Variants in ADPRS observed in about 807,000 individuals in gnomAD.
ADPRS encodes ADP-ribosylserine hydrolase.
In ADPRS, 25 loss-of-function variants were observed where a neutral mutation model predicts 32.1. That is an observed-to-expected ratio of 0.78 (90% CI 0.57 to 1.09). The LOEUF (loss-of-function observed/expected upper bound fraction) is 1.09, where lower values mean the gene tolerates loss of function less well. ADPRS is among the 50% of genes least tolerant of loss of function. The pLI, the probability that ADPRS is intolerant of heterozygous loss-of-function variation, is 0.00. For synonymous variants in ADPRS, 225 were observed against 201.0 expected (o/e 1.12, Z -1.01); for missense variants, 482 against 480.6 (o/e 1.00, Z -0.03).
intron 1 of ADPRS, among the ~76,000 whole-genome samples, chr1:36,090,462 G>A (rs1643463403): frequency 6.6e-6 from 1 of 152,064 alleles, no homozygotes. Flanking sequence ...ATAAAGAATT[G>A]CTGAAAATCC....
chr1:36,088,971 T>G lies in ADPRS; in HGVS notation c.67T>G (p.Phe23Val), dbSNP rs1357822202. The change falls in exon 1 of 6, where the codon TTC becomes GTC. Residue 23 changes from phenylalanine to valine, a missense_variant. Coordinates refer to ENST00000373178, the MANE Select transcript of ADPRS (RefSeq NM_017825.3). ...TGGCGCGGCCCGCTCCCTCTCGCGC[T>G]TCCGAGGCTGCCTGGCTGGCGCGCT... is the stretch of plus-strand genomic sequence containing the variant. ...GAGAARSLSR[F>V]RGCLAGALLG... is the part of the protein sequence containing the mutation. 3.3e-6 allele frequency: 5 copies of G among 1,494,050 alleles called. No homozygotes were observed. Among genetic ancestry groups the G allele is most frequent in the Non-Finnish European group, 4.4e-6 (5 of 1,127,690 alleles). 92.5% of individuals were successfully genotyped at this position (1,494,050 alleles called of 1,614,324 possible).
At position 36,093,103 on chromosome 1, in the gene ADPRS, G is replaced by A. The variant is rs763802671; in HGVS notation, c.809G>A (p.Gly270Asp). Residue 270 changes from glycine to aspartate, a missense_variant, in exon 6 of 6, where the codon GGC becomes GAC. Physicochemically the swap from Gly to Asp is moderately conservative, Grantham distance 94. Coordinates refer to ENST00000373178, the MANE Select transcript of ADPRS (RefSeq NM_017825.3). ...TAACCTGGCTTCCCCACAGGGAATG[G>A]CATTGCTGCCTTTGAGTCGGTACCC... ...REEVVSELGN[G>D]IAAFESVPTA... The A allele has an allele frequency of 2.9e-5, 47 of 1,613,306 alleles. No individual in the cohort carries two copies. Among genetic ancestry groups the A allele is most frequent in the Non-Finnish European group, 3.8e-5 (45 of 1,179,504 alleles).
At position 36,089,083 on chromosome 1, in the gene ADPRS, C is replaced by A; in HGVS notation, c.179C>A (p.Pro60Gln). The change falls in exon 1 of 6, where the codon CCG becomes CAG. Residue 60 changes from proline to glutamine, a missense_variant. Pro to Gln is a moderately conservative substitution (Grantham distance 76). Transcript: ENST00000373178. ...SVLRHVQSLE[P>Q]DPGTPGSERT... ...CTGCGTCATGTCCAGAGTCTGGAGC[C>A]GGACCCCGGCACGCCCGGGAGTGAG... 1 of 1,434,014 alleles carries A rather than the reference C, an allele frequency of 7.0e-7. No individual in the cohort carries two copies. The highest frequency in any genetic ancestry group is 3.1e-5 in the Admixed American group (1 of 32,140). The allele number at this position is 1,434,014 out of a possible 1,614,324, so 88.8% of individuals were successfully genotyped here.
chr1:36,093,387 TGAG>T lies in ADPRS; in HGVS notation c.*3_*5del, dbSNP rs1643513440. 1 of 1,611,694 alleles carries T rather than the reference TGAG, an allele frequency of 6.2e-7. No individual in the cohort carries two copies. Among genetic ancestry groups the T allele is most frequent in the African/African-American group, 1.3e-5 (1 of 74,914 alleles). On this transcript the variant is annotated 3_prime_UTR_variant, in exon 6 of 6. Coordinates refer to ENST00000373178, the MANE Select transcript of ADPRS (RefSeq NM_017825.3). ...GCACCGTGTCTTCCAGAAGAGTTGA[TGAG>T]GGCTACAGCTGTTGGGGCTCTGCCA... is the stretch of plus-strand genomic sequence containing the variant.
In ADPRS at chr1:36,091,975, G is replaced by A. The variant is rs763162677; in HGVS notation, c.582G>A (p.Gln194=). ...SSLGYNGAIL[Q]ALAVHLALQG... Reference sequence around the variant, plus strand: ...TGGGTTACAATGGCGCCATCCTGCAGGCCCTGGCTGTGCACCTGGCCTTGC... The same window carrying A: ...TGGGTTACAATGGCGCCATCCTGCAAGCCCTGGCTGTGCACCTGGCCTTGC... The change falls in exon 4 of 6, where the codon CAG becomes CAA. Residue 194 remains glutamine, a synonymous_variant. Coordinates refer to ENST00000373178, the MANE Select transcript of ADPRS (RefSeq NM_017825.3). The A allele has an allele frequency of 5.6e-6, 9 of 1,613,966 alleles. No individual in the cohort carries two copies. The East Asian group carries it at 1.3e-4, about 24-fold the overall frequency.
At chr1:36,089,748 G>T (rs550743314) in intron 1 of ADPRS, among the ~76,000 whole-genome samples, 1 of 152,296 alleles carries the variant, frequency 6.6e-6, no homozygotes, top group South Asian at 2.1e-4. Context: ...CCACACGTCT[G>T]CAGTTTCGTT....
At position 36,093,421 on chromosome 1, in the gene ADPRS, C is replaced by T. The variant is rs763426981; in HGVS notation, c.*35C>T. On this transcript the variant is annotated 3_prime_UTR_variant, in exon 6 of 6. Transcript: ENST00000373178. ...CAGCTGTTGGGGCTCTGCCAGGTCC[C>T]CTGGGACCAACTACAGCTCCAATCA... 1.9e-5 allele frequency: 30 copies of T among 1,587,344 alleles called. No homozygotes were observed. In the Middle Eastern group the frequency reaches 8.4e-4, roughly 44 times the overall value.
chr1:36,093,435 C>T lies in ADPRS; in HGVS notation c.*49C>T. 1 of 1,564,502 alleles carries T rather than the reference C, an allele frequency of 6.4e-7. No individual in the cohort carries two copies. The highest frequency in any genetic ancestry group is 8.7e-7 in the Non-Finnish European group (1 of 1,155,018). On this transcript the variant is annotated 3_prime_UTR_variant, in exon 6 of 6. Coordinates refer to ENST00000373178, the MANE Select transcript of ADPRS (RefSeq NM_017825.3). ...CTGCCAGGTCCCCTGGGACCAACTA[C>T]AGCTCCAATCAGAAACCCTGCGCTT...
chr1:36,091,467 C>CTTTT (rs1643482460), intron 2 of ADPRS, 127 bp downstream of exon 2: 1 of 1,225,956 alleles, frequency 8.2e-7, no homozygotes, highest in Admixed American at 2.1e-5. Flanking sequence ...CAGGCTGGCA[C>CTTTT]AGCTTCCCAA....
At chr1:36,089,219 C>T (rs758137622) in intron 1 of ADPRS, 104 bp downstream of exon 1, 66 of 1,275,420 alleles carry the variant, frequency 5.2e-5, no homozygotes, top group Non-Finnish European at 6.2e-5. Flanking sequence ...ATGAGGCTGC[C>T]GAGGGCACCG....
At chr1:36,093,059 G>A (rs1328327676) in intron 5 of ADPRS, 38 bp from the exon 6 acceptor site, 2 of 1,593,468 alleles carry the variant, frequency 1.3e-6, no homozygotes, top group Non-Finnish European at 8.6e-7. Flanking sequence ...AGGAGGCCTG[G>A]GGAAGCATGC....
chr1:36,089,070 C>T lies in ADPRS; in HGVS notation c.166C>T (p.Gln56Ter). 2.7e-6 allele frequency: 4 copies of T among 1,457,198 alleles called. No homozygotes were observed. Among genetic ancestry groups the T allele is most frequent in the South Asian group, 2.9e-5 (2 of 69,162 alleles). The allele number at this position is 1,457,198 out of a possible 1,614,324, so 90.3% of individuals were successfully genotyped here. ...CCTGACGTCAGTCCTGCGTCATGTC[C>T]AGAGTCTGGAGCCGGACCCCGGCAC... ...VDLTSVLRHV[Q>*]SLEPDPGTPG... is the part of the protein sequence containing the mutation. The change falls in exon 1 of 6, where the codon CAG becomes TAG. Residue 56 changes from glutamine to a stop codon, truncating the protein, a stop_gained. Transcript: ENST00000373178. LOFTEE classifies it high-confidence loss of function.
rs1643498282 is a variant in ADPRS, at chr1:36,092,499, G to A, written c.779G>A (p.Arg260Lys). ...GELLDQASVT[R>K]EEVVSELGNG... is the part of the protein sequence containing the mutation. ...CTTCTAGACCAGGCATCGGTGACCA[G>A]GGAGGAAGTGGTGTCTGAGCTAGGT... Residue 260 changes from arginine to lysine, a missense_variant, in exon 5 of 6, where the codon AGG becomes AAG. Coordinates refer to ENST00000373178, the MANE Select transcript of ADPRS (RefSeq NM_017825.3). 6.2e-7 allele frequency: 1 copy of A among 1,614,202 alleles called. No individual in the cohort carries two copies. The highest frequency in any genetic ancestry group is 8.5e-7 in the Non-Finnish European group (1 of 1,180,026).
At position 36,091,240 on chromosome 1, in the gene ADPRS, A is replaced by G. The variant is rs1643476832; in HGVS notation, c.212-4A>G. The G allele has an allele frequency of 1.9e-6, 3 of 1,613,578 alleles. No homozygotes were observed. The highest frequency in any genetic ancestry group is 3.3e-5 in the Admixed American group (2 of 59,996). ...GGCTCTCATCCTCCCTCCTCTCCCC[A>G]CAGAAGCCTTGTACTACACAGATGA... On this transcript the variant is annotated splice_region_variant and splice_polypyrimidine_tract_variant and intron_variant, in intron 1 of 5. Transcript: ENST00000373178.
At position 36,093,628 on chromosome 1, in the gene ADPRS, C is replaced by T; in HGVS notation, c.*242C>T. On this transcript the variant is annotated 3_prime_UTR_variant, in exon 6 of 6. Transcript: ENST00000373178. ...GAGCCGTAGGACACTCCTGGCTCCT[C>T]AGTAGGACAGACAGACGCAGGCGGG... 1.9e-6 allele frequency: 1 copy of T among 530,368 alleles called. No individual in the cohort carries two copies. Among genetic ancestry groups the T allele is most frequent in the Non-Finnish European group, 3.3e-6 (1 of 299,482 alleles). 32.9% of individuals were successfully genotyped at this position (530,368 alleles called of 1,614,324 possible).
chr1:36,091,856 C>T, intron 3 of ADPRS, 31 bp downstream of exon 3: 1 of 1,586,922 alleles, frequency 6.3e-7, no homozygotes, highest in Non-Finnish European at 8.6e-7. Flanking sequence ...TCTGGGCTGT[C>T]CCCTTCCTCT....
rs1467308356 is a variant in ADPRS, at chr1:36,092,095, G to A, written c.701+1G>A. On this transcript the variant is annotated splice_donor_variant, in intron 4 of 5. Coordinates refer to ENST00000373178, the MANE Select transcript of ADPRS (RefSeq NM_017825.3). LOFTEE classifies it high-confidence loss of function. The stretch of plus-strand genomic sequence containing the variant: ...CCCAGTCCGTCTTGGATGCCAGGGA[G>A]TGAGTATGGGGCTGGAGGTGTGTGG... The A allele has an allele frequency of 6.2e-7, 1 of 1,602,662 alleles. No homozygotes were observed.
Position 36,093,232 on chromosome 1 carries a change from G to A in ADPRS, c.938G>A (p.Gly313Glu). Reference sequence around the variant, plus strand: ...CTCATTTATTCCATCTCACTTGGTGGGGACACAGACACCATTGCCACCATG... The same window carrying A: ...CTCATTTATTCCATCTCACTTGGTGAGGACACAGACACCATTGCCACCATG... ...RTLIYSISLG[G>E]DTDTIATMAG... The change falls in exon 6 of 6, where the codon GGG becomes GAG. Residue 313 changes from glycine (G) to glutamate (E), a missense_variant. Physicochemically the swap from Gly to Glu is moderately conservative, Grantham distance 98. Transcript: ENST00000373178. 2 of 1,614,202 alleles carry A rather than the reference G, an allele frequency of 1.2e-6. No individual in the cohort carries two copies. Among genetic ancestry groups the A allele is most frequent in the South Asian group, 1.1e-5 (1 of 91,078 alleles).
chr1:36,091,814 G>A lies in ADPRS; in HGVS notation c.505G>A (p.Asp169Asn). Residue 169 changes from aspartate to asparagine, a missense_variant, in exon 3 of 6, where the codon GAT becomes AAT. Coordinates refer to ENST00000373178, the MANE Select transcript of ADPRS (RefSeq NM_017825.3). ...CTCCCTGGCCTATAGCAGTGTCCAGGATGTGCAGAAGGTATTCAGGGCGGG... is the reference window on the plus strand; with the variant it reads ...CTCCCTGGCCTATAGCAGTGTCCAGAATGTGCAGAAGGTATTCAGGGCGGG... ...GISLAYSSVQ[D>N]VQKFARLSAQ... 1 of 1,600,688 alleles carries A rather than the reference G, an allele frequency of 6.2e-7. No homozygotes were observed. The highest frequency in any genetic ancestry group is 8.5e-7 in the Non-Finnish European group (1 of 1,170,724).
Sources: allele counts gnomAD v4.1 joint callset (sites outside exome capture counted in the v4.1 genomes callset), GRCh38; gene constraint gnomAD v4.1.1; transcripts MANE v1.5; gene names NCBI Gene and HGNC (gene_info 2026-07-23, HGNC 2026-07-21).